EIF4E: variants seen among roughly 807,000 people sequenced by gnomAD.
EIF4E encodes the protein eukaryotic translation initiation factor 4E.
For synonymous variants in EIF4E, 71 were observed against 88.5 expected (o/e 0.80, Z 1.11); for missense variants, 113 against 265.6 (o/e 0.43, Z 3.99).
intron 1 of EIF4E, among the ~76,000 whole-genome samples, chr4:98,915,983 G>C (rs1021344748): frequency 6.6e-6 from 1 of 151,060 alleles, no homozygotes; most frequent in South Asian, 2.1e-4. Context: ...TTGAGGTCAG[G>C]AGTTCGAGAC....
chr4:98,895,923 C>T (rs560462487), intron 2 of EIF4E, among the ~76,000 whole-genome samples: 4 of 152,116 alleles, frequency 2.6e-5, no homozygotes, highest in South Asian at 2.1e-4. Flanking sequence ...ATGGGCTGGG[C>T]GCAGTGGCTC....
rs968700652 is a variant in EIF4E, at chr4:98,885,016, C to A, written c.445G>T (p.Val149Leu). 3 of 1,613,486 alleles carry A rather than the reference C, an allele frequency of 1.9e-6. No individual in the cohort carries two copies. In the African/African-American group the frequency reaches 4.0e-5, roughly 22 times the overall value. The change falls in exon 6 of 7, where the codon GTA (valine) becomes TTA (leucine). Residue 149 changes from valine to leucine, a missense_variant. By Grantham distance (32) the Val-to-Leu change is conservative. Coordinates refer to ENST00000450253, the MANE Select transcript of EIF4E (RefSeq NM_001968.5). The part of the protein sequence containing the change: ...GESFDDYSDD[V>L]CGAVVNVRAK... Reference sequence around the variant, plus strand: ...CTAACATTAACAACAGCGCCACATACATCATCACTGTAGTCATCAAAAGAT... The same window carrying A: ...CTAACATTAACAACAGCGCCACATAAATCATCACTGTAGTCATCAAAAGAT...
At chr4:98,891,180 TA>T in intron 3 of EIF4E, 56 bp downstream of exon 3, 3 of 1,582,358 alleles carry the variant, frequency 1.9e-6, no homozygotes, top group South Asian at 2.3e-5. Context: ...GACTTAAAAA[TA>T]AAAAAACTAC....
At chr4:98,903,876 A>ATAAT (rs1353058563) in intron 1 of EIF4E, among the ~76,000 whole-genome samples, 1 of 152,212 alleles carries the variant, frequency 6.6e-6, no homozygotes, top group Admixed American at 6.6e-5. Context: ...GTTCAAACAG[A>ATAAT]TAATTACTGA....
In EIF4E at chr4:98,885,121, A is replaced by G; in HGVS notation, c.400-60T>C. 1.9e-6 allele frequency: 3 copies of G among 1,562,794 alleles called. No individual in the cohort carries two copies. In the Admixed American group the frequency reaches 5.5e-5, roughly 29 times the overall value. On this transcript the variant is annotated intron_variant, in intron 5 of 6. Coordinates refer to ENST00000450253, the MANE Select transcript of EIF4E (RefSeq NM_001968.5). The stretch of plus-strand genomic sequence containing the variant: ...TATAAACAAGCTCATTACACTGCAA[A>G]TGTCTCTTCTGTATTTGCATAGAAA...
At position 98,917,083 on chromosome 4, in the gene EIF4E, AACACACACAC is replaced by A. The variant is rs751653561; in HGVS notation, c.18+12002_18+12011del. 5.6e-3 allele frequency among the ~76,000 whole-genome samples: 579 copies of A among 102,984 alleles called. 4 individuals carry two copies. The highest frequency in any genetic ancestry group is 0.012 in the South Asian group (38 of 3,086). 67.6% of individuals were successfully genotyped at this position (102,984 alleles called of 152,430 possible). ...TATTTTTATTATTCTACCTTTTCTA[AACACACACAC>A]ACACACACACACACACACACACACA... On this transcript the variant is annotated intron_variant, in intron 1 of 6. Coordinates refer to ENST00000450253, the MANE Select transcript of EIF4E (RefSeq NM_001968.5).
At chr4:98,912,677 G>C (rs1260252863) in intron 1 of EIF4E, among the ~76,000 whole-genome samples, 1 of 152,026 alleles carries the variant, frequency 6.6e-6, no homozygotes, top group Non-Finnish European at 1.5e-5. Flanking sequence ...ATTACAACCA[G>C]TGCACAAAAC....
intron 1 of EIF4E, among the ~76,000 whole-genome samples, chr4:98,914,920 C>T (rs559161616): frequency 1.3e-5 from 2 of 152,102 alleles, no homozygotes; most frequent in Non-Finnish European, 2.9e-5. Flanking sequence ...AGTTTTGCTC[C>T]GAACCTAAAA....
At chr4:98,901,841 C>A in intron 2 of EIF4E, 35 bp downstream of exon 2, 1 of 1,581,622 alleles carries the variant, frequency 6.3e-7, no homozygotes, top group South Asian at 1.1e-5. Context: ...TACCTTGTGG[C>A]CTAACTCAGA....
intron 1 of EIF4E, among the ~76,000 whole-genome samples, chr4:98,910,169 G>C (rs1725057401): frequency 6.6e-6 from 1 of 152,040 alleles, no homozygotes; most frequent in Non-Finnish European, 1.5e-5. Flanking sequence ...TGTGGCTGTG[G>C]ATTTTGCAGT....
intron 1 of EIF4E, among the ~76,000 whole-genome samples, chr4:98,903,731 T>G (rs753519450): frequency 2.0e-5 from 3 of 152,188 alleles, no homozygotes; most frequent in Non-Finnish European, 4.4e-5. Context: ...CAACAGGAAC[T>G]TATTAACTTG....
At chr4:98,905,901 C>G (rs1034366161) in intron 1 of EIF4E, among the ~76,000 whole-genome samples, 1 of 152,172 alleles carries the variant, frequency 6.6e-6, no homozygotes, top group Non-Finnish European at 1.5e-5. Flanking sequence ...TAATATTAAT[C>G]TTACAGGACA....
intron 1 of EIF4E, among the ~76,000 whole-genome samples, chr4:98,910,236 G>A (rs571097381): frequency 1.3e-5 from 2 of 151,860 alleles, no homozygotes; most frequent in South Asian, 2.1e-4. Flanking sequence ...TCCCTTAACC[G>A]AGAAAGTTGA....
intron 1 of EIF4E, among the ~76,000 whole-genome samples, chr4:98,906,477 T>C (rs1387348379): frequency 2.0e-5 from 3 of 152,190 alleles, no homozygotes; most frequent in Admixed American, 6.5e-5. Flanking sequence ...ATTGTATGCA[T>C]GTCTTCATCT....
intron 3 of EIF4E, 103 bp downstream of exon 3, chr4:98,891,134 A>G: frequency 8.1e-7 from 1 of 1,239,832 alleles, no homozygotes; most frequent in Non-Finnish European, 1.2e-6. Context: ...ATGAACATTC[A>G]TTAACTGTTT....
intron 2 of EIF4E, among the ~76,000 whole-genome samples, chr4:98,895,990 G>C (rs1724364298): frequency 7.7e-6 from 1 of 129,666 alleles, no homozygotes; most frequent in African/African-American, 2.5e-5. Context: ...GAGGTCAAGA[G>C]ATCGAGACCA....
At chr4:98,881,598 C>A (rs77280036) in intron 6 of EIF4E, among the ~76,000 whole-genome samples, 1 of 151,822 alleles carries the variant, frequency 6.6e-6, no homozygotes. Flanking sequence ...ATTCTTTGAT[C>A]TAAAATGTTA....
At chr4:98,898,556 C>T (rs1724516521) in intron 2 of EIF4E, among the ~76,000 whole-genome samples, 1 of 148,504 alleles carries the variant, frequency 6.7e-6, no homozygotes. Context: ...CCAGCCTGGG[C>T]GACAGGGCGA....
intron 2 of EIF4E, among the ~76,000 whole-genome samples, chr4:98,896,938 G>A (rs867032662): frequency 6.6e-6 from 1 of 152,184 alleles, no homozygotes; most frequent in African/African-American, 2.4e-5. Context: ...CTGGGTGACA[G>A]AGTGAGACCC....
Sources: gnomAD v4.1 joint callset for allele counts (sites outside exome capture counted in the v4.1 genomes callset) on GRCh38, gnomAD v4.1.1 for gene constraint, MANE v1.5 for transcripts, NCBI Gene and HGNC (gene_info 2026-07-23, HGNC 2026-07-21) for gene names.